Variants in SLC44A5 observed in about 807,000 individuals in gnomAD.
SLC44A5 encodes the protein choline transporter-like protein 5.
A neutral mutation model predicts 101.8 loss-of-function variants in SLC44A5; 57 were observed. The ratio of observed to expected loss-of-function variants is 0.56; its 90% CI spans 0.45 to 0.70. The LOEUF (loss-of-function observed/expected upper bound fraction) is 0.70, where lower values mean the gene tolerates loss of function less well. Among genes scored for constraint, SLC44A5 ranks in the 30% least tolerant of loss-of-function variants. The pLI, the probability that SLC44A5 is intolerant of heterozygous loss-of-function variation, is 0.00. For synonymous variants in SLC44A5, 281 were observed against 290.9 expected (o/e 0.97, Z 0.35); for missense variants, 737 against 853.1 (o/e 0.86, Z 1.70).
At chr1:75,226,365 T>G (rs1647194972) in intron 13 of SLC44A5, among the ~76,000 whole-genome samples, 1 of 152,126 alleles carries the variant, frequency 6.6e-6, no homozygotes, top group Non-Finnish European at 1.5e-5. Flanking sequence ...CCCACCGCTG[T>G]CTGAGCCCCT....
At chr1:75,695,814 T>C in the SLC44A5 span, among the ~76,000 whole-genome samples, 146 of 148,368 alleles carry the variant, frequency 9.8e-4, no homozygotes, top group Non-Finnish European at 1.8e-3. Flanking sequence ...GAATTAAATA[T>C]ATATTATTTA....
At chr1:75,422,108 T>C (rs568637860) in intron 2 of SLC44A5, among the ~76,000 whole-genome samples, 44 of 152,248 alleles carry the variant, frequency 2.9e-4, no homozygotes, top group African/African-American at 1.1e-3. Flanking sequence ...GAGGCTGTGC[T>C]TTTTCACCCA....
chr1:75,702,159 T>C, the SLC44A5 span, among the ~76,000 whole-genome samples: 186 of 152,280 alleles, frequency 1.2e-3, no homozygotes, highest in Non-Finnish European at 2.2e-3. Context: ...AAAAAACTAC[T>C]TTAAAGTTCA....
chr1:75,227,136 G>T (rs1255094918), intron 13 of SLC44A5, among the ~76,000 whole-genome samples: 1 of 152,058 alleles, frequency 6.6e-6, no homozygotes, highest in Non-Finnish European at 1.5e-5. Flanking sequence ...AGGCTGAGGT[G>T]GGAGGATCAC....
chr1:75,492,846 A>G (rs1286179123), intron 2 of SLC44A5, among the ~76,000 whole-genome samples: 1 of 152,220 alleles, frequency 6.6e-6, no homozygotes, highest in East Asian at 1.9e-4. Context: ...ACCATATTAA[A>G]CAAACTAGAT....
intron 2 of SLC44A5, among the ~76,000 whole-genome samples, chr1:75,402,079 G>A (rs1483428252): frequency 2.0e-5 from 3 of 152,138 alleles, no homozygotes; most frequent in African/African-American, 7.2e-5. Flanking sequence ...GCTATAGAAT[G>A]GTTACAGGGG....
the SLC44A5 span, among the ~76,000 whole-genome samples, chr1:75,636,757 A>G: frequency 1.1e-4 from 16 of 152,122 alleles, no homozygotes; most frequent in Non-Finnish European, 2.1e-4. Context: ...ATGCTTTGAC[A>G]GTTTATGAGT....
intron 6 of SLC44A5, among the ~76,000 whole-genome samples, chr1:75,258,901 T>C (rs1476051077): frequency 1.3e-5 from 2 of 152,048 alleles, no homozygotes; most frequent in African/African-American, 4.8e-5. Context: ...GGAGTGGACC[T>C]CCAGTAAACT....
At chr1:75,579,707 G>T (rs186451546) in intron 1 of SLC44A5, among the ~76,000 whole-genome samples, 2 of 152,030 alleles carry the variant, frequency 1.3e-5, no homozygotes, top group African/African-American at 2.4e-5. Flanking sequence ...ATGAAAAAAG[G>T]TTTCTCAATA....
intron 5 of SLC44A5, among the ~76,000 whole-genome samples, chr1:75,295,557 T>G: frequency 6.6e-6 from 1 of 152,166 alleles, no homozygotes; most frequent in East Asian, 1.9e-4. Flanking sequence ...GGTCCTAGGC[T>G]TAAAAGCAGG....
chr1:75,517,570 A>C (rs992066066), intron 2 of SLC44A5, among the ~76,000 whole-genome samples: 1 of 152,200 alleles, frequency 6.6e-6, no homozygotes, highest in Non-Finnish European at 1.5e-5. Context: ...CCGACAAGAG[A>C]GGATTTATGT....
intron 2 of SLC44A5, among the ~76,000 whole-genome samples, chr1:75,396,920 G>A (rs1026762571): frequency 1.3e-5 from 2 of 152,146 alleles, no homozygotes; most frequent in African/African-American, 4.8e-5. Context: ...TAATGTAGGT[G>A]ATATGTAGAG....
intron 3 of SLC44A5, among the ~76,000 whole-genome samples, chr1:75,383,486 C>T (rs571124278): frequency 0.014 from 2,078 of 151,948 alleles, 53 homozygotes; most frequent in African/African-American, 0.047. Flanking sequence ...TGAAATGAAG[C>T]GAGAAGGGAA....
chr1:75,514,333 C>T (rs984580871), intron 2 of SLC44A5, among the ~76,000 whole-genome samples: 2 of 152,170 alleles, frequency 1.3e-5, no homozygotes, highest in African/African-American at 4.8e-5. Flanking sequence ...CAACATTTGT[C>T]TGTCACACCA....
At chr1:75,383,324 T>C (rs2101262213) in intron 3 of SLC44A5, among the ~76,000 whole-genome samples, 1 of 137,554 alleles carries the variant, frequency 7.3e-6, no homozygotes. Flanking sequence ...GGATCCTCCA[T>C]ATGCTGAACG....
the SLC44A5 span, among the ~76,000 whole-genome samples, chr1:75,656,611 AATAACT>A: frequency 1.3e-5 from 2 of 152,042 alleles, no homozygotes; most frequent in Non-Finnish European, 2.9e-5. Flanking sequence ...AATAATTTCT[AATAACT>A]ATAAGATTTT....
chr1:75,713,743 A>G, the SLC44A5 span, among the ~76,000 whole-genome samples: 1 of 152,300 alleles, frequency 6.6e-6, no homozygotes, highest in East Asian at 1.9e-4. Context: ...TGATGTTATT[A>G]TATTTAAATT....
chr1:75,311,315 C>G (rs1407104303), intron 4 of SLC44A5, among the ~76,000 whole-genome samples: 1 of 152,160 alleles, frequency 6.6e-6, no homozygotes, highest in Non-Finnish European at 1.5e-5. Context: ...CGGGGTTTCA[C>G]CATGTTGGCC....
chr1:75,464,754 A>T (rs1666720015), intron 2 of SLC44A5, among the ~76,000 whole-genome samples: 1 of 152,216 alleles, frequency 6.6e-6, no homozygotes. Context: ...GACAAAATAG[A>T]TTTCAAGACA....
Sources: allele counts gnomAD v4.1 joint callset (sites outside exome capture counted in the v4.1 genomes callset), GRCh38; gene constraint gnomAD v4.1.1; transcripts MANE v1.5; gene names NCBI Gene and HGNC (gene_info 2026-07-23, HGNC 2026-07-21).